Variants in SP140L observed in about 807,000 individuals in gnomAD.
SP140L encodes the protein SP140 like nuclear body protein, also known as nuclear body protein SP140-like protein.
In SP140L, 64 loss-of-function variants were observed where a neutral mutation model predicts 84.3. The ratio of observed to expected loss-of-function variants is 0.76; its 90% CI spans 0.62 to 0.94. SP140L has a LOEUF of 0.94. SP140L is among the 40% of genes least tolerant of loss of function. The pLI, the probability that SP140L is intolerant of heterozygous loss-of-function variation, is 0.00. For missense variants in SP140L, 628 were observed against 692.5 expected, an observed-to-expected ratio of 0.91 and a Z score of 1.05; for synonymous variants, 242 against 236.9, an observed-to-expected ratio of 1.02 and a Z score of -0.20.
intron 13 of SP140L, among the ~76,000 whole-genome samples, chr2:230,395,244 A>T (rs995493101): frequency 3.3e-5 from 5 of 152,192 alleles, no homozygotes; most frequent in African/African-American, 1.2e-4. Flanking sequence ...CTTATCAAGC[A>T]TATACTAAAT....
chr2:230,348,841 T>A (rs1402263155), intron 2 of SP140L, among the ~76,000 whole-genome samples: 1 of 152,240 alleles, frequency 6.6e-6, no homozygotes, highest in African/African-American at 2.4e-5. Context: ...GTCCTGCCAT[T>A]TTTGCTCTTT....
Position 230,357,848 on chromosome 2 carries a change from G to A in SP140L, c.151G>A (p.Asp51Asn). The change falls in exon 3 of 19, where the codon GAC becomes AAC. Residue 51 changes from aspartate (D) to asparagine (N), a missense_variant. This residue lies in a region of SP140L where 525 missense variants were observed against 518.4 expected (regional missense o/e 1.01). Coordinates refer to ENST00000415673, the MANE Select transcript of SP140L (RefSeq NM_138402.6). The part of the protein sequence containing the change: ...DQDVDEGLVY[D>N]TVFKHFKRHK... ...GGATGTAGATGAGGGACTTGTCTATGACACTGTATTCAAGCACTTCAAAAG... is the reference window on the plus strand; with the variant it reads ...GGATGTAGATGAGGGACTTGTCTATAACACTGTATTCAAGCACTTCAAAAG... 1 of 1,613,972 alleles carries A rather than the reference G, an allele frequency of 6.2e-7. No homozygotes were observed. The highest frequency in any genetic ancestry group is 8.5e-7 in the Non-Finnish European group (1 of 1,179,924).
chr2:230,361,601 T>A lies in SP140L; in HGVS notation c.440-13T>A, dbSNP rs1036429153. ...AGATCTTTAATTGCTTTCTTCTCTC[T>A]CCCACTCTTCAGCAATCCAAGACAA... On this transcript the variant is annotated splice_polypyrimidine_tract_variant and intron_variant, in intron 4 of 18. Coordinates refer to ENST00000415673, the MANE Select transcript of SP140L (RefSeq NM_138402.6). 1 of 1,552,040 alleles carries A rather than the reference T, an allele frequency of 6.4e-7. No individual in the cohort carries two copies. Among genetic ancestry groups the A allele is most frequent in the African/African-American group, 1.4e-5 (1 of 73,172 alleles).
chr2:230,354,932 GAAAA>G (rs1276100062), intron 2 of SP140L, among the ~76,000 whole-genome samples: 3 of 149,538 alleles, frequency 2.0e-5, no homozygotes, highest in African/African-American at 4.9e-5. Context: ...AAAGAAAAAA[GAAAA>G]AGAAAAAGAA....
chr2:230,379,579 A>G (rs2061345423), intron 7 of SP140L, among the ~76,000 whole-genome samples: 1 of 152,042 alleles, frequency 6.6e-6, no homozygotes, highest in African/African-American at 2.4e-5. Flanking sequence ...TGTACTCACC[A>G]TTGTTCTTTT....
chr2:230,343,116 CATGTGCAGG>C (rs2060108297), intron 2 of SP140L, among the ~76,000 whole-genome samples: 1 of 117,810 alleles, frequency 8.5e-6, no homozygotes, highest in African/African-American at 3.1e-5. Context: ...TTCAGGGGTA[CATGTGCAGG>C]ATGTGCAGGT....
In SP140L at chr2:230,382,208, A is replaced by T. The variant is rs6746353; in HGVS notation, c.638-1302A>T. Reference sequence around the variant, plus strand: ...AATGACTGAGAACAGGGGTAGGGACAATGTCTAGAGGGTTCTATGTGGGAC... The same window carrying T: ...AATGACTGAGAACAGGGGTAGGGACTATGTCTAGAGGGTTCTATGTGGGAC... On this transcript the variant is annotated intron_variant, in intron 7 of 18. Coordinates refer to ENST00000415673, the MANE Select transcript of SP140L (RefSeq NM_138402.6). Among the ~76,000 whole-genome samples, 514 of 129,198 alleles carry T rather than the reference A, an allele frequency of 4.0e-3. 6 individuals are homozygous for T. The highest frequency in any genetic ancestry group is 0.014 in the African/African-American group (494 of 34,708). 84.8% of individuals were successfully genotyped at this position (129,198 alleles called of 152,430 possible).
chr2:230,381,297 A>T (rs993167323), intron 7 of SP140L, among the ~76,000 whole-genome samples: 1 of 152,202 alleles, frequency 6.6e-6, no homozygotes, highest in African/African-American at 2.4e-5. Context: ...GATGTTCTCC[A>T]CTTTATACTG....
At chr2:230,365,109 A>G (rs566537119) in intron 5 of SP140L, among the ~76,000 whole-genome samples, 4 of 152,156 alleles carry the variant, frequency 2.6e-5, no homozygotes, top group East Asian at 3.9e-4. Context: ...ACTGGCCTGT[A>G]GTTTTCTTTT....
rs56303947 is a variant in SP140L, at chr2:230,403,595, C to G, written c.*699C>G. The G allele has an allele frequency of 0.26, 40,316 of 152,192 alleles. 5,722 individuals are homozygous for G. The highest frequency in any genetic ancestry group is 0.31 in the Non-Finnish European group (20,892 of 68,028). 9.4% of individuals were successfully genotyped at this position (152,192 alleles called of 1,614,324 possible). ...TCCCACTTCTGTGGTCAACTCCCTG[C>G]AGAACTCCCAAACTGCCGTTCTTTT... On this transcript the variant is annotated 3_prime_UTR_variant, in exon 19 of 19. Coordinates refer to ENST00000415673, the MANE Select transcript of SP140L (RefSeq NM_138402.6).
intron 7 of SP140L, among the ~76,000 whole-genome samples, chr2:230,382,683 G>A (rs571314329): frequency 3.9e-5 from 6 of 152,302 alleles, no homozygotes; most frequent in African/African-American, 1.2e-4. Context: ...AATGACCAGG[G>A]TCACAACAGA....
intron 9 of SP140L, among the ~76,000 whole-genome samples, chr2:230,387,574 G>A (rs1226972516): frequency 6.6e-6 from 1 of 152,138 alleles, no homozygotes; most frequent in East Asian, 1.9e-4. Context: ...TAAGTAGGTT[G>A]GAAAATATTT....
intron 2 of SP140L, among the ~76,000 whole-genome samples, chr2:230,346,157 T>C (rs1020404259): frequency 2.0e-5 from 3 of 152,172 alleles, no homozygotes; most frequent in African/African-American, 7.2e-5. Context: ...AGTGTAACAC[T>C]CTTGGTTGGC....
intron 18 of SP140L, among the ~76,000 whole-genome samples, chr2:230,402,470 T>C (rs1271301589): frequency 2.0e-5 from 3 of 152,250 alleles, no homozygotes; most frequent in African/African-American, 7.2e-5. Context: ...TGGTTAATGT[T>C]ACTTAGGGTG....
intron 2 of SP140L, among the ~76,000 whole-genome samples, chr2:230,332,247 A>G (rs2059744719): frequency 6.6e-6 from 1 of 152,244 alleles, no homozygotes; most frequent in Non-Finnish European, 1.5e-5. Context: ...TTTCCAAAGT[A>G]AAACATACAT....
intron 7 of SP140L, among the ~76,000 whole-genome samples, chr2:230,379,163 G>A (rs2149785002): frequency 6.6e-6 from 1 of 151,976 alleles, no homozygotes; most frequent in Non-Finnish European, 1.5e-5. Context: ...CTTAGCTTTT[G>A]CAATTTTATC....
intron 9 of SP140L, among the ~76,000 whole-genome samples, chr2:230,387,063 G>A (rs1005925261): frequency 2.0e-5 from 3 of 152,134 alleles, no homozygotes; most frequent in Admixed American, 6.5e-5. Flanking sequence ...GGGAGAGGAG[G>A]GGAGGAGAGC....
At chr2:230,397,654 G>A (rs1022601724) in intron 14 of SP140L, among the ~76,000 whole-genome samples, 2 of 152,084 alleles carry the variant, frequency 1.3e-5, no homozygotes, top group Non-Finnish European at 2.9e-5. Context: ...CAACTCCAGG[G>A]GGCAGGACTC....
intron 10 of SP140L, 115 bp from the exon 11 acceptor site, chr2:230,389,804 A>G: frequency 9.8e-7 from 1 of 1,016,082 alleles, no homozygotes; most frequent in East Asian, 2.6e-5. Context: ...AACTCTAGAG[A>G]TTTATGGAAT....
Sources: allele counts gnomAD v4.1 joint callset (sites outside exome capture counted in the v4.1 genomes callset), GRCh38; gene constraint gnomAD v4.1.1; regional missense constraint gnomAD v4.1.1; transcripts MANE v1.5; gene names NCBI Gene and HGNC (gene_info 2026-07-23, HGNC 2026-07-21).